Variants in OSBPL10 observed in about 807,000 individuals in gnomAD.
The protein encoded by OSBPL10 is oxysterol binding protein like 10.
In OSBPL10, 49 loss-of-function variants were observed where a neutral mutation model predicts 81.7. The ratio of observed to expected loss-of-function variants is 0.60; its 90% confidence interval spans 0.48 to 0.76. OSBPL10 has a LOEUF of 0.76. OSBPL10 is among the 30% of genes least tolerant of loss of function. The pLI, the probability that OSBPL10 is intolerant of heterozygous loss-of-function variation, is 0.00. For synonymous variants in OSBPL10, 419 were observed against 383.6 expected (o/e 1.09, Z -1.08); for missense variants, 923 against 987.8 (o/e 0.93, Z 0.88).
intron 3 of OSBPL10, among the ~76,000 whole-genome samples, chr3:31,871,449 G>A (rs9810029): frequency 0.15 from 22,485 of 152,174 alleles, 2,134 homozygotes; most frequent in African/African-American, 0.26. Flanking sequence ...CTTAAAAGCT[G>A]TAACACTCAC....
At chr3:31,978,520 G>A (rs1698744418) in intron 1 of OSBPL10, among the ~76,000 whole-genome samples, 1 of 152,160 alleles carries the variant, frequency 6.6e-6, no homozygotes, top group Non-Finnish European at 1.5e-5. Flanking sequence ...AGAGAAGGGA[G>A]AATTTTGCAA....
chr3:31,742,473 T>A (rs1244716185), intron 5 of OSBPL10, among the ~76,000 whole-genome samples: 8 of 152,234 alleles, frequency 5.3e-5, no homozygotes, highest in Non-Finnish European at 7.3e-5. Context: ...CTCAAATCTA[T>A]TCTCTTGATC....
chr3:31,814,292 G>T (rs1451024247), intron 4 of OSBPL10, among the ~76,000 whole-genome samples: 1 of 152,214 alleles, frequency 6.6e-6, no homozygotes, highest in Non-Finnish European at 1.5e-5. Context: ...GTCGAAAATG[G>T]AAGACTAATC....
chr3:31,962,264 C>A (rs1164099977), intron 1 of OSBPL10, among the ~76,000 whole-genome samples: 1 of 152,106 alleles, frequency 6.6e-6, no homozygotes, highest in Non-Finnish European at 1.5e-5. Flanking sequence ...GCCGGCATCA[C>A]CAATTTTGGA....
chr3:31,726,368 G>A (rs1016899999), intron 6 of OSBPL10, among the ~76,000 whole-genome samples: 1 of 151,860 alleles, frequency 6.6e-6, no homozygotes, highest in African/African-American at 2.4e-5. Flanking sequence ...ACAGGCTGGA[G>A]TGCAGTGGCA....
intron 2 of OSBPL10, among the ~76,000 whole-genome samples, chr3:32,030,978 T>C (rs1699460564): frequency 6.6e-6 from 1 of 151,948 alleles, no homozygotes; most frequent in South Asian, 2.1e-4. Context: ...CCAGCCTGCC[T>C]AACATGGTAA....
chr3:31,899,964 C>A (rs1350049619), intron 1 of OSBPL10, among the ~76,000 whole-genome samples: 1 of 151,274 alleles, frequency 6.6e-6, no homozygotes, highest in Non-Finnish European at 1.5e-5. Flanking sequence ...ACCAACTTTG[C>A]AGAAGATTAA....
At chr3:32,002,601 G>C (rs149232944) in intron 2 of OSBPL10, among the ~76,000 whole-genome samples, 1 of 141,858 alleles carries the variant, frequency 7.0e-6, no homozygotes, top group Non-Finnish European at 1.6e-5. Flanking sequence ...TTGAATCAAG[G>C]CTTCTTCTCT....
chr3:31,719,028 G>C (rs1365227736), intron 6 of OSBPL10: 1 of 152,318 alleles, frequency 6.6e-6, no homozygotes, highest in African/African-American at 2.4e-5. Flanking sequence ...ATATCAGTTA[G>C]TGTACATTCC....
At chr3:31,912,091 T>C (rs1452579893) in intron 1 of OSBPL10, among the ~76,000 whole-genome samples, 1 of 150,840 alleles carries the variant, frequency 6.6e-6, no homozygotes, top group African/African-American at 2.4e-5. Context: ...AATAAAACAA[T>C]GTTTAAATCA....
chr3:31,989,875 G>A (rs774575779), intron 2 of OSBPL10: 7 of 1,614,120 alleles, frequency 4.3e-6, no homozygotes, highest in Non-Finnish European at 5.9e-6. Context: ...ATGTGGCAAG[G>A]TCTTTAATCA....
intron 1 of OSBPL10, among the ~76,000 whole-genome samples, chr3:31,898,061 A>G (rs1696117432): frequency 1.3e-5 from 2 of 148,452 alleles, no homozygotes; most frequent in Non-Finnish European, 3.0e-5. Flanking sequence ...GAAAGGAATG[A>G]TATTTTCAAA....
At chr3:31,944,776 A>G (rs1697645032) in intron 1 of OSBPL10, among the ~76,000 whole-genome samples, 1 of 140,516 alleles carries the variant, frequency 7.1e-6, no homozygotes. Flanking sequence ...GGTTGCAGTG[A>G]GCTATGATTG....
chr3:31,977,290 C>G (rs1698719367), intron 1 of OSBPL10, among the ~76,000 whole-genome samples: 1 of 152,194 alleles, frequency 6.6e-6, no homozygotes, highest in African/African-American at 2.4e-5. Flanking sequence ...TCCCTTCTCT[C>G]CAGTTCTCTG....
At chr3:31,696,157 T>G (rs1695715255) in intron 7 of OSBPL10, among the ~76,000 whole-genome samples, 1 of 151,820 alleles carries the variant, frequency 6.6e-6, no homozygotes, top group African/African-American at 2.4e-5. Context: ...TCTCTCTGCC[T>G]GCCCCCCTGC....
intron 1 of OSBPL10, among the ~76,000 whole-genome samples, chr3:31,882,411 T>C (rs898063969): frequency 3.3e-5 from 5 of 152,096 alleles, no homozygotes; most frequent in African/African-American, 4.8e-5. Context: ...AGTAACAACA[T>C]TGCCTGGGAT....
At chr3:32,073,647 G>A (rs535562414) in intron 1 of OSBPL10, among the ~76,000 whole-genome samples, 19 of 152,158 alleles carry the variant, frequency 1.2e-4, no homozygotes, top group African/African-American at 3.6e-4. Flanking sequence ...GGGGCTTTAT[G>A]CAGTCACCCC....
At chr3:31,804,676 A>C (rs889750963) in intron 4 of OSBPL10, among the ~76,000 whole-genome samples, 1 of 152,236 alleles carries the variant, frequency 6.6e-6, no homozygotes, top group African/African-American at 2.4e-5. Context: ...AACAGCGCCT[A>C]CCAAACGCGC....
intron 6 of OSBPL10, among the ~76,000 whole-genome samples, chr3:31,725,368 T>A (rs1491002309): frequency 6.6e-6 from 1 of 152,092 alleles, no homozygotes; most frequent in Non-Finnish European, 1.5e-5. Context: ...TCTTCTACAT[T>A]TGCCTAAAGG....
Sources: allele counts gnomAD v4.1 joint callset (sites outside exome capture counted in the v4.1 genomes callset), GRCh38; gene constraint gnomAD v4.1.1; transcripts MANE v1.5; gene names NCBI Gene and HGNC (gene_info 2026-07-23, HGNC 2026-07-21).